Variants in KIRREL3 observed in about 807,000 individuals in gnomAD.
KIRREL3 encodes kirre like nephrin family adhesion molecule 3, also known as kin of IRRE-like protein 3.
A neutral mutation model predicts 89.7 loss-of-function variants in KIRREL3; 36 were observed. That is an observed-to-expected ratio of 0.40 (90% confidence interval 0.31 to 0.53). KIRREL3 has a LOEUF of 0.53. Among genes scored for constraint, KIRREL3 ranks in the 20% least tolerant of loss-of-function variants. The probability of loss-of-function intolerance (pLI) is 0.49; values close to 1 mark genes in which losing one functional copy is unlikely to be tolerated. For missense variants in KIRREL3, 864 were observed against 1,056.6 expected, an observed-to-expected ratio of 0.82 and a Z score of 2.53; for synonymous variants, 445 against 441.4, an observed-to-expected ratio of 1.01 and a Z score of -0.10.
rs576013861 is a variant in KIRREL3, at chr11:126,559,772, C to T, written c.133+3063G>A. On this transcript the variant is annotated intron_variant, in intron 2 of 16. Transcript: ENST00000525144. ...GCAGCCTCTGCCTCCTGTGTTCAAG[C>T]GATTCTCCTGCCTCAGCTTCCTGAG... Among the ~76,000 whole-genome samples, 6 of 152,112 alleles carry T rather than the reference C, an allele frequency of 3.9e-5. No homozygotes were observed. In the South Asian group the frequency reaches 6.2e-4, roughly 16 times the overall value.
Position 126,485,450 on chromosome 11 carries a change from G to A in KIRREL3, c.434-11984C>T, listed in dbSNP as rs1426729170. 6.6e-6 allele frequency among the ~76,000 whole-genome samples: 1 copy of A among 152,194 alleles called. No homozygotes were observed. The highest frequency in any genetic ancestry group is 1.5e-5 in the Non-Finnish European group (1 of 68,022). Reference sequence around the variant, plus strand: ...AGTCAGAGTGCCTGGCTGGGCTTCTGGCTCCGTCATTCACTGGCCACGTGA... The same window carrying A: ...AGTCAGAGTGCCTGGCTGGGCTTCTAGCTCCGTCATTCACTGGCCACGTGA... On this transcript the variant is annotated intron_variant, in intron 4 of 16. Coordinates refer to ENST00000525144, the MANE Select transcript of KIRREL3 (RefSeq NM_032531.4). The surrounding 1 kb of genome is among the most constrained non-coding windows in gnomAD (Gnocchi z 5.8).
At chr11:126,701,348 C>A (rs1434450221) in intron 1 of KIRREL3, among the ~76,000 whole-genome samples, 2 of 152,028 alleles carry the variant, frequency 1.3e-5, no homozygotes, top group African/African-American at 4.8e-5. Flanking sequence ...AGCACCGAGC[C>A]CCCTGGATTC....
rs1950534734 is a variant in KIRREL3 at position 126,788,097 on chromosome 11, G to A, written c.55+212358C>T. Among the ~76,000 whole-genome samples, 1 of 152,150 alleles carries A rather than the reference G, an allele frequency of 6.6e-6. No individual in the cohort carries two copies. The highest frequency in any genetic ancestry group is 2.4e-5 in the African/African-American group (1 of 41,426). Reference sequence around the variant, plus strand: ...CCCGGCTCTGGAGCCCATACTCTTAGCCACGACAATATTCCGCCTCCCATA... The same window carrying A: ...CCCGGCTCTGGAGCCCATACTCTTAACCACGACAATATTCCGCCTCCCATA... On this transcript the variant is annotated intron_variant, in intron 1 of 16. Transcript: ENST00000525144. This position sits in a 1 kb window ranked among gnomAD's most constrained non-coding sequence, Gnocchi z 4.1.
intron 1 of KIRREL3, among the ~76,000 whole-genome samples, chr11:126,591,960 G>A (rs763014821): frequency 2.0e-5 from 3 of 152,130 alleles, no homozygotes; most frequent in Non-Finnish European, 2.9e-5. Context: ...CTCTCATAGG[G>A]CCAACAGCTC....
At chr11:126,930,085 T>C (rs1947882552) in intron 1 of KIRREL3, among the ~76,000 whole-genome samples, 1 of 150,150 alleles carries the variant, frequency 6.7e-6, no homozygotes, top group Admixed American at 6.6e-5. Flanking sequence ...TACATTTTGC[T>C]GATTCCCATT....
At chr11:126,448,936 C>A in intron 8 of KIRREL3, 73 bp downstream of exon 8, 8 of 1,465,380 alleles carry the variant, frequency 5.5e-6, no homozygotes, top group Non-Finnish European at 7.3e-6. Flanking sequence ...GAATCTAGCC[C>A]TGGTTTCTCC....
rs1018710058 is a variant in KIRREL3 at position 126,535,026 on chromosome 11, G to A, written c.134-8339C>T. On this transcript the variant is annotated intron_variant, in intron 2 of 16. Transcript: ENST00000525144. This position sits in a 1 kb window ranked among gnomAD's most constrained non-coding sequence, Gnocchi z 4.5. ...TGTGGAGGTGGCAGCAGCAGTGACA[G>A]GTGTGGCCTGGCCTAGGGAGGTGGG... Among the ~76,000 whole-genome samples the A allele has an allele frequency of 1.3e-5, 2 of 152,164 alleles. No homozygotes were observed. The highest frequency in any genetic ancestry group is 4.8e-5 in the African/African-American group (2 of 41,428).
rs1949906879 is a variant in KIRREL3, at chr11:126,768,242, C to T, written c.56-205330G>A. On this transcript the variant is annotated intron_variant, in intron 1 of 16. Transcript: ENST00000525144. This position sits in a 1 kb window ranked among gnomAD's most constrained non-coding sequence, Gnocchi z 4.5. The stretch of plus-strand genomic sequence containing the variant: ...CCATCCATTCAATCTGTCCATCTGT[C>T]CATCCATACATGCATCCACCCATCC... 6.6e-6 allele frequency among the ~76,000 whole-genome samples: 1 copy of T among 151,710 alleles called. No homozygotes were observed. Among genetic ancestry groups the T allele is most frequent in the Non-Finnish European group, 1.5e-5 (1 of 67,930 alleles).
intron 1 of KIRREL3, among the ~76,000 whole-genome samples, chr11:126,937,829 G>A (rs183150608): frequency 2.8e-4 from 42 of 152,300 alleles, no homozygotes; most frequent in Middle Eastern, 3.4e-3. Context: ...AACCAAGGAG[G>A]CGGAGCTTGC....
rs768714214 is a variant in KIRREL3 at position 126,435,287 on chromosome 11, C to G, written c.1569G>C (p.Ser523=). The change falls in exon 13 of 17, where the codon TCG becomes TCC. Residue 523 remains serine (S), a synonymous_variant. Transcript: ENST00000525144. Reference sequence around the variant, plus strand: ...CCGTACCTGCTTCCAGCCCGGCTCCCGACTTCATTTCCGAACCTGTTTGGA... The same window carrying G: ...CCGTACCTGCTTCCAGCCCGGCTCCGGACTTCATTTCCGAACCTGTTTGGA... ...RLKEQGSEMK[S]GAGLEAESVP... is the part of the protein sequence containing the mutation. 6.2e-7 allele frequency: 1 copy of G among 1,613,806 alleles called. No homozygotes were observed. The highest frequency in any genetic ancestry group is 8.5e-7 in the Non-Finnish European group (1 of 1,179,810).
intron 1 of KIRREL3, among the ~76,000 whole-genome samples, chr11:126,759,293 C>A (rs1949599326): frequency 6.6e-6 from 1 of 152,110 alleles, no homozygotes; most frequent in African/African-American, 2.4e-5. Flanking sequence ...CCATGCCTGG[C>A]TAATCTTTGT....
In KIRREL3 at chr11:126,798,090, C is replaced by T. The variant is rs546254589; in HGVS notation, c.55+202365G>A. 1.2e-3 allele frequency among the ~76,000 whole-genome samples: 190 copies of T among 152,234 alleles called. 1 individual carries two copies. The highest frequency in any genetic ancestry group is 4.3e-3 in the African/African-American group (179 of 41,550). ...GATGGCTCATTGCACCCACCACAGCCAGGTGGAGAGGAAAGATGTTCCTGT... is the reference window on the plus strand; with the variant it reads ...GATGGCTCATTGCACCCACCACAGCTAGGTGGAGAGGAAAGATGTTCCTGT... On this transcript the variant is annotated intron_variant, in intron 1 of 16. Coordinates refer to ENST00000525144, the MANE Select transcript of KIRREL3 (RefSeq NM_032531.4).
At position 126,714,640 on chromosome 11, in the gene KIRREL3, C is replaced by T. The variant is rs78182783; in HGVS notation, c.56-151728G>A. ...TCACTTCTCCTTGGGGAGAATGCCACGTCCCAGAGTTGCACGGTGGGCTGA... is the reference window on the plus strand; with the variant it reads ...TCACTTCTCCTTGGGGAGAATGCCATGTCCCAGAGTTGCACGGTGGGCTGA... On this transcript the variant is annotated intron_variant, in intron 1 of 16. Coordinates refer to ENST00000525144, the MANE Select transcript of KIRREL3 (RefSeq NM_032531.4). 5.5e-4 allele frequency among the ~76,000 whole-genome samples: 83 copies of T among 152,284 alleles called. 5 individuals carry two copies. Among genetic ancestry groups the T allele is most frequent in the East Asian group, 5.4e-3 (28 of 5,178 alleles).
At chr11:126,602,883 C>T (rs946769387) in intron 1 of KIRREL3, among the ~76,000 whole-genome samples, 1 of 152,146 alleles carries the variant, frequency 6.6e-6, no homozygotes, top group Non-Finnish European at 1.5e-5. Flanking sequence ...GTAGGGTCAG[C>T]TCAGGAAAGC....
rs554742280 is a variant in KIRREL3 at position 126,491,839 on chromosome 11, C to T, written c.434-18373G>A. ...GCCTCAGCTGCCTGAGTAGCTGGGA[C>T]TACAGGCGCGCACCACCATGCCTGG... On this transcript the variant is annotated intron_variant, in intron 4 of 16. Coordinates refer to ENST00000525144, the MANE Select transcript of KIRREL3 (RefSeq NM_032531.4). This position sits in a 1 kb window ranked among gnomAD's most constrained non-coding sequence, Gnocchi z 5.5. Among the ~76,000 whole-genome samples the T allele has an allele frequency of 4.3e-4, 66 of 152,166 alleles. No homozygotes were observed. Among genetic ancestry groups the T allele is most frequent in the African/African-American group, 1.5e-3 (64 of 41,528 alleles).
intron 1 of KIRREL3, among the ~76,000 whole-genome samples, chr11:126,855,800 G>A (rs1944486197): frequency 6.6e-6 from 1 of 152,186 alleles, no homozygotes; most frequent in Non-Finnish European, 1.5e-5. Flanking sequence ...CTAGGAGATG[G>A]TCTGTGCCCT....
rs1358982219 is a variant in KIRREL3 at position 126,576,013 on chromosome 11, G to A, written c.56-13101C>T. Among the ~76,000 whole-genome samples the A allele has an allele frequency of 6.6e-6, 1 of 152,188 alleles. No homozygotes were observed. Among genetic ancestry groups the A allele is most frequent in the African/African-American group, 2.4e-5 (1 of 41,438 alleles). ...CCAACCCTCCCAGACTGTGAGGTGG[G>A]AACCATCTCTATTAATCTCTAGAAC... is the stretch of plus-strand genomic sequence containing the variant. On this transcript the variant is annotated intron_variant, in intron 1 of 16. Coordinates refer to ENST00000525144, the MANE Select transcript of KIRREL3 (RefSeq NM_032531.4). This position sits in a 1 kb window ranked among gnomAD's most constrained non-coding sequence, Gnocchi z 5.4.
chr11:126,599,355 C>T (rs924585723), intron 1 of KIRREL3, among the ~76,000 whole-genome samples: 7 of 152,276 alleles, frequency 4.6e-5, no homozygotes, highest in African/African-American at 9.6e-5. Context: ...GAGGCAGGCA[C>T]GCTTTCGGCT....
chr11:126,451,630 G>A (rs1236370626), intron 7 of KIRREL3, among the ~76,000 whole-genome samples: 1 of 151,504 alleles, frequency 6.6e-6, no homozygotes, highest in African/African-American at 2.4e-5. Flanking sequence ...GTGTGTCCAT[G>A]TGCATGTGTG....
Sources: allele counts gnomAD v4.1 joint callset (sites outside exome capture counted in the v4.1 genomes callset), GRCh38; gene constraint gnomAD v4.1.1; non-coding constraint Gnocchi (gnomAD v3.1); transcripts MANE v1.5; gene names NCBI Gene and HGNC (gene_info 2026-07-23, HGNC 2026-07-21).